The following DHX57 variants were observed in gnomAD, a reference collection of about 807,000 sequenced individuals.
DHX57 encodes putative ATP-dependent RNA helicase DHX57.
In DHX57, 105 loss-of-function variants were observed where a neutral mutation model predicts 156.2. That is an observed-to-expected ratio of 0.67 (90% CI 0.57 to 0.79). DHX57 has a LOEUF of 0.79. Among genes scored for constraint, DHX57 ranks in the 30% least tolerant of loss-of-function variants. The pLI is 0.00. For synonymous variants in DHX57, 704 were observed against 595.6 expected (o/e 1.18, Z -2.65); for missense variants, 1,847 against 1,661.9 (o/e 1.11, Z -1.94).
At chr2:38,867,550 C>T (rs1665142574) in intron 2 of DHX57, among the ~76,000 whole-genome samples, 1 of 152,122 alleles carries the variant, frequency 6.6e-6, no homozygotes, top group Non-Finnish European at 1.5e-5. Context: ...TCATGTTGCA[C>T]TTTAGGCTGT....
Position 38,823,121 on chromosome 2 carries a change from G to C in DHX57, c.3163C>G (p.Leu1055Val). 2 of 1,614,174 alleles carry C rather than the reference G, an allele frequency of 1.2e-6. No homozygotes were observed. The highest frequency in any genetic ancestry group is 1.7e-6 in the Non-Finnish European group (2 of 1,180,026). Reference sequence around the variant, plus strand: ...GGCAGAGAGGCCAAATGATACCCAAGAGGGGTCAATCTTTCATCTGGAGTT... The same window carrying C: ...GGCAGAGAGGCCAAATGATACCCAACAGGGGTCAATCTTTCATCTGGAGTT... ...ALTPDERLTP[L>V]GYHLASLPVD... Residue 1055 changes from leucine to valine, a missense_variant, in exon 17 of 24, where the codon CTT becomes GTT. By Grantham distance (32) the Leu-to-Val change is conservative. Transcript: ENST00000457308.
At chr2:38,864,945 TACCAGAAG>T (rs1385047606) in intron 2 of DHX57, among the ~76,000 whole-genome samples, 1 of 152,196 alleles carries the variant, frequency 6.6e-6, no homozygotes, top group Non-Finnish European at 1.5e-5. Context: ...TTCCTTGACC[TACCAGAAG>T]CATTTTTCCA....
At chr2:38,851,247 G>A (rs1354829825) in intron 9 of DHX57, among the ~76,000 whole-genome samples, 1 of 152,054 alleles carries the variant, frequency 6.6e-6, no homozygotes, top group Admixed American at 6.6e-5. Flanking sequence ...ATTATAACAT[G>A]TAACTAGCAA....
chr2:38,798,929 C>G (rs986453633), intron 23 of DHX57, among the ~76,000 whole-genome samples: 1 of 150,654 alleles, frequency 6.6e-6, no homozygotes, highest in Non-Finnish European at 1.5e-5. Flanking sequence ...GGTGACATAG[C>G]GAGACTCTGT....
In DHX57 at chr2:38,861,518, G is replaced by T; in HGVS notation, c.892C>A (p.Gln298Lys). Residue 298 changes from glutamine (Q) to lysine (K), a missense_variant, in exon 5 of 24, where the codon CAA (glutamine) becomes AAA (lysine). Transcript: ENST00000457308. ...SKPKESTKNV[Q>K]ENSLEICKFY... Reference sequence around the variant, plus strand: ...TTACAGATTTCAAGTGAATTCTCTTGTACATTTTTGGTACTTTCTTTTGGC... The same window carrying T: ...TTACAGATTTCAAGTGAATTCTCTTTTACATTTTTGGTACTTTCTTTTGGC... 6.2e-7 allele frequency: 1 copy of T among 1,614,022 alleles called. No homozygotes were observed.
intron 13 of DHX57, among the ~76,000 whole-genome samples, chr2:38,828,709 C>T (rs2124825021): frequency 6.8e-6 from 1 of 146,120 alleles, no homozygotes; most frequent in South Asian, 2.2e-4. Context: ...GGCAACAGAG[C>T]AAGACCCTTT....
Position 38,802,922 on chromosome 2 carries a change from C to T in DHX57, c.3817-7G>A, listed in dbSNP as rs1558349879. On this transcript the variant is annotated splice_region_variant and splice_polypyrimidine_tract_variant and intron_variant, in intron 22 of 23. Transcript: ENST00000457308. ...GGCTGTCAAAGTGTCTCACCTGTAA[C>T]AAAAAACCTCAGATGATGACAGTGA... 9 of 1,613,570 alleles carry T rather than the reference C, an allele frequency of 5.6e-6. No homozygotes were observed. The African/African-American group carries it at 6.7e-5, about 12-fold the overall frequency.
intron 9 of DHX57, among the ~76,000 whole-genome samples, chr2:38,851,072 C>CAA: frequency 7.5e-6 from 1 of 133,880 alleles, no homozygotes. Flanking sequence ...GACTTTGTTT[C>CAA]AAAAAAAAAA....
At chr2:38,836,759 G>C (rs568005663) in intron 13 of DHX57, among the ~76,000 whole-genome samples, 10 of 131,068 alleles carry the variant, frequency 7.6e-5, no homozygotes, top group Non-Finnish European at 1.6e-4. Context: ...CTGGGCAAGA[G>C]AGTGAGACCC....
At chr2:38,812,418 G>C (rs988026807) in intron 21 of DHX57, among the ~76,000 whole-genome samples, 2 of 152,174 alleles carry the variant, frequency 1.3e-5, no homozygotes, top group Non-Finnish European at 2.9e-5. Context: ...AAACTCTCTG[G>C]GGGAAAATGG....
intron 6 of DHX57, 78 bp from the exon 7 acceptor site, chr2:38,856,539 C>G: frequency 6.8e-7 from 1 of 1,480,180 alleles, no homozygotes; most frequent in Non-Finnish European, 8.9e-7. Flanking sequence ...GGGTCTCACT[C>G]TGTTGCCAGG....
intron 13 of DHX57, among the ~76,000 whole-genome samples, chr2:38,831,322 CTT>C (rs11348384): frequency 3.5e-3 from 410 of 116,928 alleles, no homozygotes; most frequent in African/African-American, 5.8e-3. Flanking sequence ...TTCTTTATTT[CTT>C]TTTTTTTTTT....
chr2:38,856,522 TGAG>T, intron 6 of DHX57, 61 bp from the exon 7 acceptor site: 1 of 1,379,982 alleles, frequency 7.2e-7, no homozygotes. Context: ...TTTTTTTTTT[TGAG>T]ACAGGGTCTC....
At position 38,855,232 on chromosome 2, in the gene DHX57, A is replaced by C; in HGVS notation, c.1730T>G (p.Ile577Ser). 1 of 1,614,228 alleles carries C rather than the reference A, an allele frequency of 6.2e-7. No homozygotes were observed. The highest frequency in any genetic ancestry group is 8.5e-7 in the Non-Finnish European group (1 of 1,180,032). The change falls in exon 8 of 24, where the codon ATT becomes AGT. Residue 577 changes from isoleucine to serine, a missense_variant. Physicochemically the swap from Ile to Ser is moderately radical, Grantham distance 142 (BLOSUM62 -2). Transcript: ENST00000457308. ...GMTGCGKTTQ[I>S]PQFILDDSLN... Reference sequence around the variant, plus strand: ...AGAATCATCCAGAATAAACTGCGGAATTTGTGTGGTTTTCCCACATCTGTA... The same window carrying C: ...AGAATCATCCAGAATAAACTGCGGACTTTGTGTGGTTTTCCCACATCTGTA...
chr2:38,861,039 C>G lies in DHX57; in HGVS notation c.1371G>C (p.Val457=). Residue 457 remains valine, a synonymous_variant, in exon 5 of 24, where the codon GTG becomes GTC. Transcript: ENST00000457308. ...TAGAAACAAAAGAATTATTTGGAAT[C>G]ACTGTTTTATGACAGGCAGGATTAT... is the stretch of plus-strand genomic sequence containing the variant. The part of the protein sequence containing the change: ...RINNPACHKT[V]IPNNSFVSNQ... The G allele has an allele frequency of 6.2e-7, 1 of 1,613,802 alleles. No individual in the cohort carries two copies. Among genetic ancestry groups the G allele is most frequent in the South Asian group, 1.1e-5 (1 of 91,010 alleles).
Position 38,806,371 on chromosome 2 carries a change from C to A in DHX57, c.3816+188G>T, listed in dbSNP as rs1669935087. The A allele has an allele frequency of 8.3e-6, 5 of 601,618 alleles. No individual in the cohort carries two copies. The East Asian group carries it at 1.3e-4, about 15-fold the overall frequency. The allele number at this position is 601,618 out of a possible 1,614,324, so 37.3% of individuals were successfully genotyped here. A position where few individuals can be genotyped will look rare whatever the true frequency, so the allele number is the denominator to read the frequency against. On this transcript the variant is annotated intron_variant, in intron 22 of 23. Transcript: ENST00000457308. ...ACTTTTTGGTATTCAGTAGAATTTT[C>A]TTCAAATGGAAATAGTCTTTCCAGA...
chr2:38,802,093 C>G (rs1669710202), intron 23 of DHX57, among the ~76,000 whole-genome samples: 1 of 152,074 alleles, frequency 6.6e-6, no homozygotes, highest in African/African-American at 2.4e-5. Flanking sequence ...CTTTGGTGAA[C>G]ATCTATTATT....
rs1308769335 is a variant in DHX57, at chr2:38,866,396, C to T, written c.224+1786G>A. Among the ~76,000 whole-genome samples, 6 of 152,206 alleles carry T rather than the reference C, an allele frequency of 3.9e-5. No homozygotes were observed. The East Asian group carries it at 1.2e-3, about 29-fold the overall frequency. On this transcript the variant is annotated intron_variant, in intron 2 of 23. Transcript: ENST00000457308. Reference sequence around the variant, plus strand: ...TTCCCTCTGCCTTGAATGCTGTACTCAGAACTTCACAGCTTATTCCTTTAC... The same window carrying T: ...TTCCCTCTGCCTTGAATGCTGTACTTAGAACTTCACAGCTTATTCCTTTAC...
At chr2:38,858,144 C>A (rs1486907350) in intron 6 of DHX57, among the ~76,000 whole-genome samples, 2 of 152,216 alleles carry the variant, frequency 1.3e-5, no homozygotes, top group African/African-American at 4.8e-5. Flanking sequence ...TCACTGGAAC[C>A]TGCACCACCA....
Sources: allele counts gnomAD v4.1 joint callset (sites outside exome capture counted in the v4.1 genomes callset), GRCh38; gene constraint gnomAD v4.1.1; transcripts MANE v1.5; gene names NCBI Gene and HGNC (gene_info 2026-07-23, HGNC 2026-07-21).